The following SAMD8 variants were observed in gnomAD, a reference collection of about 807,000 sequenced individuals.
SAMD8 encodes sterile alpha motif domain containing 8.
Under a neutral mutation model 42.0 loss-of-function variants are expected in SAMD8, and 20 were observed. The observed-to-expected ratio is 0.48, with a 90% CI of 0.34 to 0.69. The LOEUF is 0.69. Ranked by LOEUF, SAMD8 falls within the 30% of genes least tolerant of loss-of-function variation. The pLI is 0.01. For missense variants in SAMD8, 328 were observed against 511.6 expected, an observed-to-expected ratio of 0.64 and a Z score of 3.46; for synonymous variants, 162 against 173.0, an observed-to-expected ratio of 0.94 and a Z score of 0.50.
chr10:75,151,316 C>T (rs1161795768), intron 2 of SAMD8, among the ~76,000 whole-genome samples: 1 of 152,088 alleles, frequency 6.6e-6, no homozygotes, highest in African/African-American at 2.4e-5. Flanking sequence ...AACCACTGCT[C>T]TTTTAATTTT....
upstream of SAMD8, chr10:75,111,584 C>A (rs929795166): frequency 1.6e-6 from 2 of 1,252,682 alleles, no homozygotes. Context: ...CCCGCCTCCA[C>A]TCCGGCTCCC....
chr10:75,100,263 C>G (rs1184797508), intron 1 of SAMD8, among the ~76,000 whole-genome samples: 3 of 152,132 alleles, frequency 2.0e-5, no homozygotes, highest in African/African-American at 7.2e-5. Context: ...GGACCTAGGC[C>G]CAGGTCTGAA....
chr10:75,116,902 C>A (rs976164792), intron 1 of SAMD8, among the ~76,000 whole-genome samples: 1 of 151,754 alleles, frequency 6.6e-6, no homozygotes, highest in Non-Finnish European at 1.5e-5. Context: ...CTTCGCCTCC[C>A]GGGTTCAAGC....
At chr10:75,149,025 G>A (rs941765383) in intron 1 of SAMD8, among the ~76,000 whole-genome samples, 2 of 151,428 alleles carry the variant, frequency 1.3e-5, no homozygotes, top group Admixed American at 1.3e-4. Flanking sequence ...TGGGTAATAG[G>A]CACATAGGTG....
intron 4 of SAMD8, among the ~76,000 whole-genome samples, chr10:75,175,428 A>G (rs1350219581): frequency 6.6e-6 from 1 of 152,204 alleles, no homozygotes; most frequent in Non-Finnish European, 1.5e-5. Flanking sequence ...GTGATATTGG[A>G]TTAAAAACTT....
intron 1 of SAMD8, among the ~76,000 whole-genome samples, chr10:75,130,347 C>CA (rs796547851): frequency 2.0e-5 from 3 of 150,802 alleles, no homozygotes; most frequent in Admixed American, 6.6e-5. Flanking sequence ...ACTAAAAATA[C>CA]AAAAAAAAAT....
intron 2 of SAMD8, 181 bp from the exon 3 acceptor site, chr10:75,164,464 T>C (rs887029376): frequency 1.0e-6 from 1 of 973,050 alleles, no homozygotes; most frequent in African/African-American, 1.8e-5. Context: ...CAGGTTCCGA[T>C]AGGTGGGGGT....
At chr10:75,153,325 C>G (rs562765344) in intron 2 of SAMD8, among the ~76,000 whole-genome samples, 36 of 152,130 alleles carry the variant, frequency 2.4e-4, no homozygotes, top group African/African-American at 8.7e-4. Context: ...CTAAAAGTGC[C>G]TTTGCTGGGC....
chr10:75,173,886 T>G (rs1407876252), intron 4 of SAMD8, among the ~76,000 whole-genome samples: 1 of 152,180 alleles, frequency 6.6e-6, no homozygotes, highest in Non-Finnish European at 1.5e-5. Flanking sequence ...ACTGTGTTAC[T>G]TACTAGCTAT....
chr10:75,157,660 T>C (rs1307234343), intron 2 of SAMD8, among the ~76,000 whole-genome samples: 1 of 152,210 alleles, frequency 6.6e-6, no homozygotes, highest in Non-Finnish European at 1.5e-5. Flanking sequence ...ACTTGTGTAA[T>C]GCATTAGCAG....
At chr10:75,142,138 G>A (rs1840030322) in intron 1 of SAMD8, among the ~76,000 whole-genome samples, 1 of 151,754 alleles carries the variant, frequency 6.6e-6, no homozygotes, top group South Asian at 2.1e-4. Context: ...AGTAGAGATG[G>A]GGTTTCACCA....
upstream of SAMD8, chr10:75,109,072 C>G (rs780900943): frequency 6.2e-7 from 1 of 1,612,348 alleles, no homozygotes. Context: ...CTTCCCTGCC[C>G]GCAGGAGCTC....
intron 1 of SAMD8, among the ~76,000 whole-genome samples, chr10:75,127,649 G>A (rs944920082): frequency 2.6e-5 from 4 of 152,116 alleles, no homozygotes; most frequent in African/African-American, 9.7e-5. Context: ...TCTTTTTAAG[G>A]AATAACACTC....
At chr10:75,104,239 G>A in intron 1 of SAMD8, 1 of 455,686 alleles carries the variant, frequency 2.2e-6, no homozygotes, top group Non-Finnish European at 3.8e-6. Context: ...GAGTGCAGCT[G>A]CTGGGAGAGA....
intron 1 of SAMD8, chr10:75,105,699 G>A: frequency 1.3e-6 from 2 of 1,550,984 alleles, no homozygotes; most frequent in Non-Finnish European, 1.7e-6. Flanking sequence ...GCAGTTGCTG[G>A]TCCAGCCTGC....
chr10:75,111,586 C>A, upstream of SAMD8: 1 of 1,252,194 alleles, frequency 8.0e-7, no homozygotes, highest in Non-Finnish European at 1.0e-6. Context: ...CGCCTCCACT[C>A]CGGCTCCCCG....
chr10:75,138,747 A>C (rs2134456902), intron 1 of SAMD8, among the ~76,000 whole-genome samples: 1 of 152,248 alleles, frequency 6.6e-6, no homozygotes, highest in Non-Finnish European at 1.5e-5. Context: ...TGAAAATTGC[A>C]CTTCTTAAAA....
At chr10:75,135,343 C>T (rs1374154407) in intron 1 of SAMD8, among the ~76,000 whole-genome samples, 3 of 151,590 alleles carry the variant, frequency 2.0e-5, no homozygotes, top group African/African-American at 7.3e-5. Flanking sequence ...ATCCCAGCTA[C>T]TCAGGAGGCT....
chr10:75,147,737 T>G lies in SAMD8; in HGVS notation c.-15-2777T>G, dbSNP rs147872896. 5.4e-3 allele frequency among the ~76,000 whole-genome samples: 818 copies of G among 152,326 alleles called. 4 individuals carry two copies. The highest frequency in any genetic ancestry group is 7.7e-3 in the South Asian group (37 of 4,830). On this transcript the variant is annotated intron_variant, in intron 1 of 5. Transcript: ENST00000542569. Reference sequence around the variant, plus strand: ...AAGGATGAAGTAATTTAGTCAGAGATACTTTGGGTAAAAGAAGATATGTAT... The same window carrying G: ...AAGGATGAAGTAATTTAGTCAGAGAGACTTTGGGTAAAAGAAGATATGTAT...
Sources: allele counts gnomAD v4.1 joint callset (sites outside exome capture counted in the v4.1 genomes callset), GRCh38; gene constraint gnomAD v4.1.1; transcripts MANE v1.5; gene names NCBI Gene and HGNC (gene_info 2026-07-23, HGNC 2026-07-21).